Variants in MTHFD1L observed in about 807,000 individuals in gnomAD.
MTHFD1L encodes monofunctional C1-tetrahydrofolate synthase, mitochondrial.
Under a neutral mutation model 119.5 loss-of-function variants are expected in MTHFD1L, and 81 were observed. The observed-to-expected ratio is 0.68, with a 90% confidence interval of 0.57 to 0.82. The LOEUF (loss-of-function observed/expected upper bound fraction) is 0.82. MTHFD1L is among the 40% of genes least tolerant of loss of function. MTHFD1L has a pLI of 0.00. For synonymous variants in MTHFD1L, 430 were observed against 475.2 expected, an observed-to-expected ratio of 0.90 and a Z score of 1.24; for missense variants, 1,125 against 1,253.4, an observed-to-expected ratio of 0.90 and a Z score of 1.55.
chr6:150,927,839 T>C (rs1303689933), intron 11 of MTHFD1L, among the ~76,000 whole-genome samples: 1 of 152,040 alleles, frequency 6.6e-6, no homozygotes, highest in Non-Finnish European at 1.5e-5. Context: ...AGATCCCATC[T>C]TACACATCTT....
At chr6:150,922,712 C>T (rs1248602152) in intron 10 of MTHFD1L, among the ~76,000 whole-genome samples, 4 of 145,940 alleles carry the variant, frequency 2.7e-5, no homozygotes, top group Non-Finnish European at 6.0e-5. Flanking sequence ...GGTGCGATCT[C>T]GGCTCACTGC....
At chr6:150,905,408 G>C (rs1785744051) in intron 7 of MTHFD1L, among the ~76,000 whole-genome samples, 1 of 152,140 alleles carries the variant, frequency 6.6e-6, no homozygotes, top group Non-Finnish European at 1.5e-5. Flanking sequence ...TATGTATGCT[G>C]AAGTGACTAC....
At chr6:150,893,929 G>T (rs1487097248) in intron 7 of MTHFD1L, among the ~76,000 whole-genome samples, 1 of 152,146 alleles carries the variant, frequency 6.6e-6, no homozygotes, top group Admixed American at 6.5e-5. Flanking sequence ...ACTTTATGGG[G>T]CAGTTGTGGG....
intron 20 of MTHFD1L, among the ~76,000 whole-genome samples, chr6:150,972,697 C>G (rs2129021131): frequency 6.6e-6 from 1 of 152,352 alleles, no homozygotes; most frequent in African/African-American, 2.4e-5. Flanking sequence ...AGAGAAAGTG[C>G]TCATTGACTG....
chr6:150,883,471 A>G (rs1781701930), intron 5 of MTHFD1L, among the ~76,000 whole-genome samples: 1 of 152,234 alleles, frequency 6.6e-6, no homozygotes, highest in African/African-American at 2.4e-5. Context: ...TACAATCTTT[A>G]GCCAGCTCTA....
At position 151,045,162 on chromosome 6, in the gene MTHFD1L, C is replaced by G. The variant is rs571661597; in HGVS notation, c.2847+8045C>G. On this transcript the variant is annotated intron_variant, in intron 26 of 27. Coordinates refer to ENST00000367321, the MANE Select transcript of MTHFD1L (RefSeq NM_015440.5). ...GGTTAGGCATGGAGGAGAATTCATT[C>G]AGCCCTCATAGGTTTAAATCAAATG... 2.0e-5 allele frequency among the ~76,000 whole-genome samples: 3 copies of G among 152,274 alleles called. No individual in the cohort carries two copies. The East Asian group carries it at 5.8e-4, about 29-fold the overall frequency.
At chr6:150,900,345 C>T (rs1164068390) in intron 7 of MTHFD1L, among the ~76,000 whole-genome samples, 1 of 152,086 alleles carries the variant, frequency 6.6e-6, no homozygotes, top group Non-Finnish European at 1.5e-5. Context: ...GCTCCTGAGC[C>T]ACCAGGACAT....
intron 20 of MTHFD1L, among the ~76,000 whole-genome samples, chr6:150,994,097 G>GAAAGAAAAGAAAAGAAAAGAAAAGAAA (rs61147935): frequency 7.7e-6 from 1 of 129,154 alleles, no homozygotes; most frequent in African/African-American, 3.7e-5. Flanking sequence ...AAGAAAGAAA[G>GAAAGAAAAGAAAAGAAAAGAAAAGAAA]TGACCCAGCA....
intron 4 of MTHFD1L, among the ~76,000 whole-genome samples, chr6:150,878,311 G>C (rs1780813410): frequency 6.6e-6 from 1 of 151,916 alleles, no homozygotes; most frequent in African/African-American, 2.4e-5. Context: ...GAGTGCAATG[G>C]TGCCATCTCG....
intron 1 of MTHFD1L, among the ~76,000 whole-genome samples, chr6:150,868,848 C>T (rs950682680): frequency 6.6e-6 from 1 of 152,086 alleles, no homozygotes; most frequent in African/African-American, 2.4e-5. Flanking sequence ...TGATCACATT[C>T]CCAGGAGTTC....
intron 7 of MTHFD1L, among the ~76,000 whole-genome samples, chr6:150,903,730 G>T (rs1338243441): frequency 1.3e-5 from 2 of 152,174 alleles, no homozygotes; most frequent in Non-Finnish European, 2.9e-5. Flanking sequence ...AACAGGTCTG[G>T]CCTCGGCAAA....
Position 151,034,556 on chromosome 6 carries a change from C to G in MTHFD1L, c.2650C>G (p.Leu884Val), listed in dbSNP as rs760490125. ...TGTCTATGGAGCCAAAGATATTGAA[C>G]TCTCTCCTGAGGCACAAGCCAAAAT... ...QAVYGAKDIE[L>V]SPEAQAKIDR... The change falls in exon 25 of 28, where the codon CTC becomes GTC. Residue 884 changes from leucine to valine, a missense_variant. This residue lies in a region of MTHFD1L where 1,058 missense variants were observed against 1,151.2 expected (regional missense o/e 0.92). Coordinates refer to ENST00000367321, the MANE Select transcript of MTHFD1L (RefSeq NM_015440.5). 6.2e-7 allele frequency: 1 copy of G among 1,611,842 alleles called. No individual in the cohort carries two copies.
intron 11 of MTHFD1L, among the ~76,000 whole-genome samples, chr6:150,929,536 G>A (rs766736629): frequency 6.6e-5 from 10 of 152,222 alleles, no homozygotes; most frequent in Admixed American, 1.3e-4. Context: ...AAACAAAGCT[G>A]TGATGATACT....
chr6:151,097,252 C>A (rs1211342349), intron 27 of MTHFD1L, among the ~76,000 whole-genome samples: 1 of 152,150 alleles, frequency 6.6e-6, no homozygotes, highest in Non-Finnish European at 1.5e-5. Context: ...TCACTCCAGT[C>A]CTGCTACAAA....
chr6:150,877,817 T>C lies in MTHFD1L; in HGVS notation c.408T>C (p.Ser136=), dbSNP rs768531413. 4.3e-6 allele frequency: 7 copies of C among 1,614,116 alleles called. No individual in the cohort carries two copies. The highest frequency in any genetic ancestry group is 5.9e-6 in the Non-Finnish European group (7 of 1,180,042). The change falls in exon 4 of 28, where the codon AGT becomes AGC. Residue 136 remains serine, a synonymous_variant. Transcript: ENST00000367321. ...ACATTTGCCTCCCTCCAGATAGCAG[T>C]GAAGCCGAGGTAATAATGGCAGAGC... is the stretch of plus-strand genomic sequence containing the variant. ...ITHICLPPDS[S]EAEIIDEILK...
At chr6:151,100,690 A>C (rs76309561) in intron 27 of MTHFD1L, among the ~76,000 whole-genome samples, 8,837 of 151,402 alleles carry the variant, frequency 0.058, 368 homozygotes, top group South Asian at 0.17. Flanking sequence ...AAGAGATTAC[A>C]GGATTCAAGA....
chr6:150,935,480 G>A, intron 11 of MTHFD1L: 1 of 1,605,106 alleles, frequency 6.2e-7, no homozygotes, highest in Non-Finnish European at 8.5e-7. Context: ...TGCAATCATA[G>A]GAGATGGCCT....
intron 15 of MTHFD1L, among the ~76,000 whole-genome samples, chr6:150,947,481 C>G (rs9478153): frequency 0.28 from 42,729 of 151,716 alleles, 6,970 homozygotes; most frequent in East Asian, 0.43. Flanking sequence ...CCTGTAATCT[C>G]AGCACTTTGG....
chr6:151,034,403 A>T, intron 24 of MTHFD1L, 90 bp from the exon 25 acceptor site: 1 of 859,358 alleles, frequency 1.2e-6, no homozygotes, highest in Non-Finnish European at 1.9e-6. Context: ...AGGGAATTTT[A>T]AGCAATTACA....
Sources: gnomAD v4.1 joint callset for allele counts (sites outside exome capture counted in the v4.1 genomes callset) on GRCh38, gnomAD v4.1.1 for gene constraint, gnomAD v4.1.1 regional missense constraint, MANE v1.5 for transcripts, NCBI Gene and HGNC (gene_info 2026-07-23, HGNC 2026-07-21) for gene names.